Variants in CARD10 observed in about 807,000 individuals in gnomAD.
CARD10 encodes the protein caspase recruitment domain-containing protein 10.
In CARD10, 49 loss-of-function variants were observed where a neutral mutation model predicts 114.6. The ratio of observed to expected loss-of-function variants is 0.43; its 90% CI spans 0.34 to 0.54. CARD10 has a LOEUF of 0.54. CARD10 is among the 20% of genes least tolerant of loss of function. The pLI is 0.03. For synonymous variants in CARD10, 602 were observed against 593.2 expected (o/e 1.01, Z -0.21); for missense variants, 1,206 against 1,397.2 (o/e 0.86, Z 2.18).
At chr22:37,516,884 G>C (rs185036227) in intron 2 of CARD10, among the ~76,000 whole-genome samples, 17 of 152,312 alleles carry the variant, frequency 1.1e-4, no homozygotes, top group African/African-American at 4.1e-4. Context: ...TTAATAACTA[G>C]TAACCTGTGA....
intron 10 of CARD10, 106 bp from the exon 11 acceptor site, chr22:37,502,831 T>C (rs1175262576): frequency 7.4e-7 from 1 of 1,352,702 alleles, no homozygotes; most frequent in Non-Finnish European, 9.9e-7. Flanking sequence ...CCTTGGCAGG[T>C]TTGAGGCCCC....
In CARD10 at chr22:37,496,499, G is replaced by T. The variant is rs751008593; in HGVS notation, c.2009C>A (p.Thr670Asn). ...TGTGGACCCCTGATTCCAGAGCAAG[G>T]TTCTCTGCTGGGCCTCGGCTTCCAG... ...ACLEAEAQQR[T>N]LLWNQGSTLP... Residue 670 changes from threonine (T) to asparagine (N), a missense_variant, in exon 13 of 20, where the codon ACC becomes AAC. Physicochemically the swap from Thr to Asn is moderately conservative, Grantham distance 65. Transcript: ENST00000251973. This position sits in a 1 kb window ranked among gnomAD's most constrained non-coding sequence, Gnocchi z 4.1. 63 of 1,613,684 alleles carry T rather than the reference G, an allele frequency of 3.9e-5. No individual in the cohort carries two copies. The highest frequency in any genetic ancestry group is 5.0e-5 in the Non-Finnish European group (59 of 1,179,912).
intron 4 of CARD10, among the ~76,000 whole-genome samples, chr22:37,509,642 G>GCTACC (rs1923548290): frequency 8.6e-6 from 1 of 116,234 alleles, no homozygotes; most frequent in African/African-American, 3.1e-5. Flanking sequence ...TGACCTCCCC[G>GCTACC]CAGCCTGTGC....
intron 3 of CARD10, among the ~76,000 whole-genome samples, chr22:37,511,720 C>T (rs1295655480): frequency 6.6e-6 from 1 of 151,888 alleles, no homozygotes; most frequent in Non-Finnish European, 1.5e-5. Context: ...ACCAGATGCT[C>T]CCCGCAACAA....
chr22:37,512,899 T>C (rs1450198941), intron 3 of CARD10, among the ~76,000 whole-genome samples: 1 of 152,168 alleles, frequency 6.6e-6, no homozygotes, highest in Non-Finnish European at 1.5e-5. Context: ...TAACAGCTCA[T>C]TAAATTTGCA....
rs758236907 is a variant in CARD10 at position 37,516,050 on chromosome 22, T to C, written c.622A>G (p.Met208Val). 1.9e-6 allele frequency: 3 copies of C among 1,602,744 alleles called. No individual in the cohort carries two copies. The highest frequency in any genetic ancestry group is 2.6e-6 in the Non-Finnish European group (3 of 1,175,426). Residue 208 changes from methionine (M) to valine (V), a missense_variant, in exon 3 of 20, where the codon ATG becomes GTG. Transcript: ENST00000251973. ...ELLRLKDENYMIAMRLAQLSE... is the reference protein window; with the variant it reads ...ELLRLKDENYVIAMRLAQLSE... Reference sequence around the variant, plus strand: ...AGCTGTGCCAGGCGCATGGCGATCATGTAGTTCTCATCCTTGAGCCGCAGC... The same window carrying C: ...AGCTGTGCCAGGCGCATGGCGATCACGTAGTTCTCATCCTTGAGCCGCAGC...
chr22:37,510,981 T>C (rs763461220), intron 3 of CARD10, among the ~76,000 whole-genome samples: 3 of 151,240 alleles, frequency 2.0e-5, no homozygotes, highest in South Asian at 2.1e-4. Flanking sequence ...ACTAGGGAGA[T>C]TGAGGCACGA....
At chr22:37,495,647 A>AC in intron 14 of CARD10, 61 bp from the exon 15 acceptor site, 5 of 1,610,742 alleles carry the variant, frequency 3.1e-6, no homozygotes, top group Admixed American at 1.7e-5. Context: ...TTCTCCTCGA[A>AC]CCCCCCGCCC....
At position 37,515,996 on chromosome 22, in the gene CARD10, G is replaced by C. The variant is rs1234420327; in HGVS notation, c.676C>G (p.Arg226Gly). The C allele has an allele frequency of 6.3e-7, 1 of 1,590,276 alleles. No individual in the cohort carries two copies. Among genetic ancestry groups the C allele is most frequent in the Non-Finnish European group, 8.6e-7 (1 of 1,167,426 alleles). Residue 226 changes from arginine (R) to glycine (G), a missense_variant, in exon 3 of 20, where the codon CGC (arginine) becomes GGC (glycine). By Grantham distance (125) the Arg-to-Gly change is moderately radical. Coordinates refer to ENST00000251973, the MANE Select transcript of CARD10 (RefSeq NM_014550.4). ...LSEEKNSAVL[R>G]SRDLQLAVDQ... Reference sequence around the variant, plus strand: ...ACCGCCAGCTGCAGGTCACGGCTGCGAAGTACAGCCGAGTTCTTCTCCTCA... The same window carrying C: ...ACCGCCAGCTGCAGGTCACGGCTGCCAAGTACAGCCGAGTTCTTCTCCTCA...
rs759424958 is a variant in CARD10, at chr22:37,492,707, G to C, written c.2572C>G (p.Arg858Gly). ...VVLLPECLAPRLIRNLLDLPS... is the reference protein window; with the variant it reads ...VVLLPECLAPGLIRNLLDLPS... ...AGGTCTAGCAGGTTACGGATGAGCC[G>C]GGGCGCCAGGCACTCAGGCAACAGC... is the stretch of plus-strand genomic sequence containing the variant. Residue 858 changes from arginine to glycine, a missense_variant, in exon 17 of 20, where the codon CGG becomes GGG. This residue lies in a region of CARD10 where 1,068 missense variants were observed against 1,179.1 expected (regional missense o/e 0.91). Coordinates refer to ENST00000251973, the MANE Select transcript of CARD10 (RefSeq NM_014550.4). The surrounding 1 kb of genome is among the most constrained non-coding windows in gnomAD (Gnocchi z 5.7). The C allele has an allele frequency of 6.2e-7, 1 of 1,613,072 alleles. No homozygotes were observed.
Position 37,496,343 on chromosome 22 carries a change from G to A in CARD10, c.2059+106C>T. 1 of 794,104 alleles carries A rather than the reference G, an allele frequency of 1.3e-6. No homozygotes were observed. The highest frequency in any genetic ancestry group is 2.6e-5 in the East Asian group (1 of 38,826). The allele number at this position is 794,104 out of a possible 1,614,324, so 49.2% of individuals were successfully genotyped here. A position where few individuals can be genotyped will look rare whatever the true frequency, so the allele number is the denominator to read the frequency against. On this transcript the variant is annotated intron_variant, in intron 13 of 19. Coordinates refer to ENST00000251973, the MANE Select transcript of CARD10 (RefSeq NM_014550.4). The surrounding 1 kb of genome is among the most constrained non-coding windows in gnomAD (Gnocchi z 4.1). ...GGGGAGCCAGGAGAAGGGCAATTGG[G>A]GCAAGGCTGGTCCCTTCTCAGGTCC... is the stretch of plus-strand genomic sequence containing the variant.
chr22:37,515,323 G>A (rs1284590127), intron 3 of CARD10, among the ~76,000 whole-genome samples: 2 of 152,202 alleles, frequency 1.3e-5, no homozygotes, highest in African/African-American at 4.8e-5. Flanking sequence ...AGCACTTTGG[G>A]AGGCCGAGGC....
chr22:37,492,314 C>A lies in CARD10; in HGVS notation c.2751+121G>T, dbSNP rs1020570263. 13 of 749,366 alleles carry A rather than the reference C, an allele frequency of 1.7e-5. No individual in the cohort carries two copies. Among genetic ancestry groups the A allele is most frequent in the Non-Finnish European group, 2.5e-5 (12 of 476,084 alleles). The allele number at this position is 749,366 out of a possible 1,614,324, so 46.4% of individuals were successfully genotyped here. ...CAGGAGGGAAAGGACTTGGCCAGGG[C>A]CGCCCTGCCAGTGAGCAGCAGAGCA... On this transcript the variant is annotated intron_variant, in intron 18 of 19. Transcript: ENST00000251973. This position sits in a 1 kb window ranked among gnomAD's most constrained non-coding sequence, Gnocchi z 5.7.
intron 4 of CARD10, chr22:37,509,173 C>T: frequency 6.9e-7 from 1 of 1,441,288 alleles, no homozygotes. Context: ...AACACACTGG[C>T]TCTCATCCCC....
Position 37,496,322 on chromosome 22 carries a change from A to T in CARD10, c.2059+127T>A. ...CAGAAGGAGGCATCAGCAGGCGGGG[A>T]GCCAGGAGAAGGGCAATTGGGGCAA... On this transcript the variant is annotated intron_variant, in intron 13 of 19. Transcript: ENST00000251973. This position sits in a 1 kb window ranked among gnomAD's most constrained non-coding sequence, Gnocchi z 4.1. The T allele has an allele frequency of 1.5e-6, 1 of 676,346 alleles. No homozygotes were observed. The highest frequency in any genetic ancestry group is 2.9e-5 in the Admixed American group (1 of 34,786). The allele number at this position is 676,346 out of a possible 1,614,324, so 41.9% of individuals were successfully genotyped here. A position where few individuals can be genotyped will look rare whatever the true frequency, so the allele number is the denominator to read the frequency against.
chr22:37,497,045 C>T lies in CARD10; in HGVS notation c.1921G>A (p.Gly641Arg). The stretch of plus-strand genomic sequence containing the variant: ...TCTCTTGGTTCCATCCTGGCGGACC[C>T]AGGCCCAGACAGCACCCTGCGCACC... ...AVVRRVLSGP[G>R]SARMEPREQR... The change falls in exon 12 of 20, where the codon GGG (glycine) becomes AGG (arginine). Residue 641 changes from glycine (G) to arginine (R), a missense_variant. Gly to Arg is a moderately radical substitution (Grantham distance 125, BLOSUM62 -2). Coordinates refer to ENST00000251973, the MANE Select transcript of CARD10 (RefSeq NM_014550.4). 6.2e-7 allele frequency: 1 copy of T among 1,613,844 alleles called. No individual in the cohort carries two copies. Among genetic ancestry groups the T allele is most frequent in the Non-Finnish European group, 8.5e-7 (1 of 1,179,886 alleles).
At chr22:37,493,957 C>T in intron 16 of CARD10, 129 bp downstream of exon 16, 1 of 737,054 alleles carries the variant, frequency 1.4e-6, no homozygotes, top group Middle Eastern at 2.3e-4. Context: ...ATGACCCCCA[C>T]TCCTGTTGGA....
chr22:37,496,749 C>A lies in CARD10; in HGVS notation c.1948-189G>T. The A allele has an allele frequency of 1.6e-6, 1 of 630,730 alleles. No homozygotes were observed. The highest frequency in any genetic ancestry group is 2.7e-6 in the Non-Finnish European group (1 of 364,918). 39.1% of individuals were successfully genotyped at this position (630,730 alleles called of 1,614,324 possible). A position where few individuals can be genotyped will look rare whatever the true frequency, so the allele number is the denominator to read the frequency against. On this transcript the variant is annotated intron_variant, in intron 12 of 19. Coordinates refer to ENST00000251973, the MANE Select transcript of CARD10 (RefSeq NM_014550.4). This position sits in a 1 kb window ranked among gnomAD's most constrained non-coding sequence, Gnocchi z 4.1. ...ACAGGACGCCCCCATCCACAGGACT[C>A]CCCAACCCGCCCAGCTCATCCAGGT...
In CARD10 at chr22:37,517,502, C is replaced by T. The variant is rs772022346; in HGVS notation, c.373+469G>A. Among the ~76,000 whole-genome samples, 10 of 152,080 alleles carry T rather than the reference C, an allele frequency of 6.6e-5. No homozygotes were observed. In the East Asian group the frequency reaches 9.7e-4, roughly 15 times the overall value. ...AATAAAAATACAAAAATTAGCAGGG[C>T]GTGGTGGCCCATGCCTGTAATCCCA... On this transcript the variant is annotated intron_variant, in intron 2 of 19. Coordinates refer to ENST00000251973, the MANE Select transcript of CARD10 (RefSeq NM_014550.4).
Sources: gnomAD v4.1 joint callset for allele counts (sites outside exome capture counted in the v4.1 genomes callset) on GRCh38, gnomAD v4.1.1 for gene constraint, gnomAD v4.1.1 regional missense constraint, Gnocchi (gnomAD v3.1) non-coding constraint, MANE v1.5 for transcripts, NCBI Gene and HGNC (gene_info 2026-07-23, HGNC 2026-07-21) for gene names.